Variants in CPT1B observed in about 807,000 individuals in gnomAD.
CPT1B encodes the protein carnitine palmitoyltransferase 1B, also known as carnitine O-palmitoyltransferase 1, muscle isoform.
Under a neutral mutation model 92.7 loss-of-function variants are expected in CPT1B, and 57 were observed. That is an observed-to-expected ratio of 0.62 (90% CI 0.50 to 0.77). The LOEUF (loss-of-function observed/expected upper bound fraction) is 0.77. Among genes scored for constraint, CPT1B ranks in the 30% least tolerant of loss-of-function variants. The probability of loss-of-function intolerance (pLI) is 0.00; values close to 1 mark genes in which losing one functional copy is unlikely to be tolerated. For missense variants in CPT1B, 983 were observed against 1,017.4 expected, an observed-to-expected ratio of 0.97 and a Z score of 0.46; for synonymous variants, 398 against 383.5, an observed-to-expected ratio of 1.04 and a Z score of -0.44.
At chr22:50,572,847 G>C in intron 11 of CPT1B, 28 bp downstream of exon 11, 1 of 1,593,818 alleles carries the variant, frequency 6.3e-7, no homozygotes, top group Non-Finnish European at 8.6e-7. Flanking sequence ...ACCTTAAGCT[G>C]TAACCTGTGG....
rs575462469 is a variant in CPT1B at position 50,573,238 on chromosome 22, G to A, written c.1167-178C>T. ...GCTGGGCCTGGAGGTGTTGGGGTGC[G>A]TGCCAGGCTGCGCCTGGAGGTGGGG... is the stretch of plus-strand genomic sequence containing the variant. On this transcript the variant is annotated intron_variant, in intron 10 of 19. Transcript: ENST00000312108. This position sits in a 1 kb window ranked among gnomAD's most constrained non-coding sequence, Gnocchi z 5.0. 121 of 610,558 alleles carry A rather than the reference G, an allele frequency of 2.0e-4. 1 individual carries two copies. The highest frequency in any genetic ancestry group is 1.8e-3 in the South Asian group (81 of 44,382). The allele number at this position is 610,558 out of a possible 1,614,324, so 37.8% of individuals were successfully genotyped here.
chr22:50,572,851 C>T lies in CPT1B; in HGVS notation c.1352+24G>A, dbSNP rs575348998. ...CCTAACTTTTAACCTTAAGCTGTAA[C>T]CTGTGGGGCTGGGGCTGCCGTACCT... On this transcript the variant is annotated intron_variant, in intron 11 of 19. Coordinates refer to ENST00000312108, the MANE Select transcript of CPT1B (RefSeq NM_152246.3). 1.5e-5 allele frequency: 24 copies of T among 1,595,472 alleles called. No individual in the cohort carries two copies. In the Admixed American group the frequency reaches 2.8e-4, roughly 19 times the overall value.
intron 5 of CPT1B, 54 bp from the exon 6 acceptor site, chr22:50,576,389 C>A (rs776602286): frequency 3.8e-5 from 62 of 1,611,570 alleles, no homozygotes; most frequent in Middle Eastern, 1.6e-4. Context: ...CTGCCTCTAT[C>A]TTAATCCTCT....
intron 17 of CPT1B, 101 bp from the exon 18 acceptor site, chr22:50,569,769 C>T (rs917657743): frequency 4.0e-5 from 42 of 1,037,636 alleles, no homozygotes; most frequent in African/African-American, 1.9e-4. Flanking sequence ...GTTGCAGGAA[C>T]GGGCCCCAGC....
chr22:50,574,657 T>C (rs1395726765), intron 7 of CPT1B, 57 bp from the exon 8 acceptor site: 5 of 1,434,200 alleles, frequency 3.5e-6, no homozygotes, highest in Non-Finnish European at 4.9e-6. Context: ...CACCTGAGTC[T>C]TGCTGACCCA....
At chr22:50,578,000 C>A (rs1012211584) in intron 1 of CPT1B, 66 bp from the exon 2 acceptor site, 2 of 1,191,198 alleles carry the variant, frequency 1.7e-6, no homozygotes, top group African/African-American at 3.2e-5. Flanking sequence ...CGCGCCGAGA[C>A]GCCCCCAGCC....
intron 3 of CPT1B, 110 bp downstream of exon 3, chr22:50,577,214 G>T: frequency 6.8e-7 from 1 of 1,472,320 alleles, no homozygotes; most frequent in South Asian, 1.2e-5. Context: ...GCTGCCCCGT[G>T]ACTGCCAATG....
Position 50,572,211 on chromosome 22 carries a change from G to T in CPT1B, c.1450C>A (p.Leu484Ile). 1 of 1,613,392 alleles carries T rather than the reference G, an allele frequency of 6.2e-7. No individual in the cohort carries two copies. Among genetic ancestry groups the T allele is most frequent in the South Asian group, 1.1e-5 (1 of 91,064 alleles). The change falls in exon 12 of 20, where the codon CTC becomes ATC. Residue 484 changes from leucine to isoleucine, a missense_variant. Transcript: ENST00000312108. ...AWADAPIIGHLWEFVLGTDSF... is the reference protein window; with the variant it reads ...AWADAPIIGHIWEFVLGTDSF... ...CTCTGCAAGGCTATTACCTCCCAGA[G>T]GTGCCCAATGATGGGAGCATCTGCC...
At position 50,576,496 on chromosome 22, in the gene CPT1B, A is replaced by T. The variant is rs17848454; in HGVS notation, c.561+40T>A. 1.5e-4 allele frequency: 242 copies of T among 1,588,428 alleles called. 3 individuals are homozygous for T. The East Asian group carries it at 5.4e-3, about 36-fold the overall frequency. On this transcript the variant is annotated intron_variant, in intron 5 of 19. Transcript: ENST00000312108. ...TATTTGGAAACATCTCCTGAATCCA[A>T]CCTCCCCTGCCCACTGGGATGCCCA... is the stretch of plus-strand genomic sequence containing the variant.
chr22:50,572,825 C>G, intron 11 of CPT1B, 50 bp downstream of exon 11: 2 of 1,564,530 alleles, frequency 1.3e-6, no homozygotes, highest in Admixed American at 1.7e-5. Flanking sequence ...CTAACCATAA[C>G]CCTAACTTTT....
chr22:50,577,060 G>A (rs1449305043), intron 3 of CPT1B, 26 bp from the exon 4 acceptor site: 1 of 1,610,836 alleles, frequency 6.2e-7, no homozygotes, highest in Admixed American at 1.7e-5. Context: ...AAGGGCTGCA[G>A]GGGGTCCTCT....
In CPT1B at chr22:50,573,644, G is replaced by A. The variant is rs1185530161; in HGVS notation, c.1042C>T (p.Leu348Phe). 6.2e-7 allele frequency: 1 copy of A among 1,613,398 alleles called. No homozygotes were observed. The highest frequency in any genetic ancestry group is 1.7e-5 in the Admixed American group (1 of 60,016). ...TTGAGCAGACGGGCGCCCTCATAGA[G>A]CCACAGCTTGAAGAAGCGTCCCTTG... Reference protein sequence around the residue: ...YHKGRFFKLWLYEGARLLKPQ... With the variant: ...YHKGRFFKLWFYEGARLLKPQ... Residue 348 changes from leucine (L) to phenylalanine (F), a missense_variant, in exon 10 of 20, where the codon CTC becomes TTC. Physicochemically the swap from Leu to Phe is conservative, Grantham distance 22. Transcript: ENST00000312108. This position sits in a 1 kb window ranked among gnomAD's most constrained non-coding sequence, Gnocchi z 5.0.
intron 2 of CPT1B, 93 bp from the exon 3 acceptor site, chr22:50,577,556 G>C: frequency 6.5e-7 from 1 of 1,530,054 alleles, no homozygotes; most frequent in Non-Finnish European, 8.8e-7. Flanking sequence ...TCTTGGCCTG[G>C]AAGGCTTTCT....
In CPT1B at chr22:50,573,900, C is replaced by A. The variant is rs1343043100; in HGVS notation, c.971-185G>T. 5.6e-6 allele frequency: 4 copies of A among 717,742 alleles called. No homozygotes were observed. 44.5% of individuals were successfully genotyped at this position (717,742 alleles called of 1,614,324 possible). On this transcript the variant is annotated intron_variant, in intron 9 of 19. Coordinates refer to ENST00000312108, the MANE Select transcript of CPT1B (RefSeq NM_152246.3). The surrounding 1 kb of genome is among the most constrained non-coding windows in gnomAD (Gnocchi z 5.0). ...GCCCTGTGCTGGGTGCTTCCACTCT[C>A]TCTCACGCAACACCAACAATCCTAT... is the stretch of plus-strand genomic sequence containing the variant.
chr22:50,573,215 T>G lies in CPT1B; in HGVS notation c.1167-155A>C. ...ACCTGGAGATGTGGGGGTGCCAGGC[T>G]GGGCCTGGAGGTGTTGGGGTGCGTG... On this transcript the variant is annotated intron_variant, in intron 10 of 19. Coordinates refer to ENST00000312108, the MANE Select transcript of CPT1B (RefSeq NM_152246.3). The surrounding 1 kb of genome is among the most constrained non-coding windows in gnomAD (Gnocchi z 5.0). 2.1e-6 allele frequency: 1 copy of G among 478,390 alleles called. No individual in the cohort carries two copies. The highest frequency in any genetic ancestry group is 3.3e-6 in the Non-Finnish European group (1 of 304,930). The allele number at this position is 478,390 out of a possible 1,614,324, so 29.6% of individuals were successfully genotyped here.
chr22:50,574,650 CT>C, intron 7 of CPT1B, 50 bp from the exon 8 acceptor site: 1 of 1,468,470 alleles, frequency 6.8e-7, no homozygotes, highest in East Asian at 2.3e-5. Context: ...TGGGTGTCAC[CT>C]GAGTCTTGCT....
rs80246693 is a variant in CPT1B, at chr22:50,576,032, T to C, written c.777+3A>G. 6.2e-7 allele frequency: 1 copy of C among 1,613,922 alleles called. No individual in the cohort carries two copies. Among genetic ancestry groups the C allele is most frequent in the Non-Finnish European group, 8.5e-7 (1 of 1,179,876 alleles). Reference sequence around the variant, plus strand: ...GCGGGGACCTGGGGGCTCTAGTTCATACCATGACATAATAGTTGCTGTTCA... The same window carrying C: ...GCGGGGACCTGGGGGCTCTAGTTCACACCATGACATAATAGTTGCTGTTCA... On this transcript the variant is annotated splice_donor_region_variant and intron_variant, in intron 7 of 19. Transcript: ENST00000312108.
intron 7 of CPT1B, among the ~76,000 whole-genome samples, chr22:50,575,341 T>C (rs886365967): frequency 6.6e-6 from 1 of 152,204 alleles, no homozygotes; most frequent in African/African-American, 2.4e-5. Flanking sequence ...TTTTATGTGC[T>C]TATATTCTAC....
intron 7 of CPT1B, among the ~76,000 whole-genome samples, chr22:50,575,379 C>T (rs905845297): frequency 2.6e-5 from 4 of 152,190 alleles, no homozygotes; most frequent in Non-Finnish European, 4.4e-5. Context: ...AGGGGTTCTA[C>T]CACTAAAAAG....
Sources: gnomAD v4.1 joint callset for allele counts (sites outside exome capture counted in the v4.1 genomes callset) on GRCh38, gnomAD v4.1.1 for gene constraint, Gnocchi (gnomAD v3.1) non-coding constraint, MANE v1.5 for transcripts, NCBI Gene and HGNC (gene_info 2026-07-23, HGNC 2026-07-21) for gene names.